The following POMZP3 variants were observed in gnomAD, a reference collection of about 807,000 sequenced individuals.
POMZP3 encodes POM121 and ZP3 fusion, also known as POM121 and ZP3 fusion protein.
A neutral mutation model predicts 19.8 loss-of-function variants in POMZP3; 10 were observed. The ratio of observed to expected loss-of-function variants is 0.51; its 90% confidence interval spans 0.31 to 0.86. POMZP3 has a LOEUF of 0.86. POMZP3 is among the 40% of genes least tolerant of loss of function. The pLI is 0.04. For synonymous variants in POMZP3, 57 were observed against 85.8 expected, an observed-to-expected ratio of 0.66 and a Z score of 1.85; for missense variants, 152 against 228.1, an observed-to-expected ratio of 0.67 and a Z score of 2.15.
chr7:76,627,221 C>T lies in POMZP3; in HGVS notation c.-665G>A. ...ACTCGCTATCGGCCGCCGCCGCTCG[C>T]CTGCTCCAGCCGCCGCAGCCGCCGG... On this transcript the variant is annotated 5_prime_UTR_variant, in exon 1 of 7. Coordinates refer to ENST00000310842, the MANE Select transcript of POMZP3 (RefSeq NM_012230.5). 1 of 1,415,988 alleles carries T rather than the reference C, an allele frequency of 7.1e-7. No individual in the cohort carries two copies. The highest frequency in any genetic ancestry group is 1.4e-5 in the South Asian group (1 of 70,614). 87.7% of individuals were successfully genotyped at this position (1,415,988 alleles called of 1,614,324 possible).
chr7:76,624,661 G>T (rs1267086736), intron 3 of POMZP3, among the ~76,000 whole-genome samples: 1 of 147,172 alleles, frequency 6.8e-6, no homozygotes, highest in Admixed American at 6.8e-5. Flanking sequence ...GGCCAGGCTG[G>T]TCTCGAACTC....
intron 3 of POMZP3, among the ~76,000 whole-genome samples, chr7:76,625,229 G>A (rs902694804): frequency 6.8e-6 from 1 of 147,750 alleles, no homozygotes; most frequent in African/African-American, 2.5e-5. Context: ...CTTCTTTCTT[G>A]AAAATAAACT....
At chr7:76,616,252 C>A in intron 4 of POMZP3, among the ~76,000 whole-genome samples, 1 of 121,420 alleles carries the variant, frequency 8.2e-6, no homozygotes, top group Non-Finnish European at 1.7e-5. Flanking sequence ...CATTGCATTC[C>A]AGCTTGGGTG....
intron 3 of POMZP3, among the ~76,000 whole-genome samples, chr7:76,620,823 T>C (rs1038868353): frequency 2.0e-5 from 3 of 148,336 alleles, no homozygotes; most frequent in Non-Finnish European, 3.0e-5. Context: ...AGATAATTAT[T>C]TGGGGAAGAC....
In POMZP3 at chr7:76,627,241, C is replaced by A; in HGVS notation, c.-685G>T. The A allele has an allele frequency of 1.4e-6, 2 of 1,385,020 alleles. No homozygotes were observed. The highest frequency in any genetic ancestry group is 1.9e-6 in the Non-Finnish European group (2 of 1,060,260). 85.8% of individuals were successfully genotyped at this position (1,385,020 alleles called of 1,614,324 possible). A position where few individuals can be genotyped will look rare whatever the true frequency, so the allele number is the denominator to read the frequency against. On this transcript the variant is annotated 5_prime_UTR_variant, in exon 1 of 7. Coordinates refer to ENST00000310842, the MANE Select transcript of POMZP3 (RefSeq NM_012230.5). Reference sequence around the variant, plus strand: ...GCTCGCCTGCTCCAGCCGCCGCAGCCGCCGGAGACATCGCGGCTCCGCGCC... The same window carrying A: ...GCTCGCCTGCTCCAGCCGCCGCAGCAGCCGGAGACATCGCGGCTCCGCGCC...
Position 76,625,531 on chromosome 7 carries a change from T to C in POMZP3, c.218A>G (p.Asn73Ser). ...CTCCTGAGCCTGTTACCTTCTTTTA[T>C]TTTCCTGGCCATCAAGGAATATTTG... ...EDQIFLDGQE[N>S]KRSCLVDGLT... is the part of the protein sequence containing the mutation. Residue 73 changes from asparagine (N) to serine (S), a missense_variant, in exon 3 of 7, where the codon AAT becomes AGT. Asn to Ser is a conservative substitution (Grantham distance 46). This residue lies in a region of POMZP3 where 17 missense variants were observed against 38.1 expected (regional missense o/e 0.45). Transcript: ENST00000310842. 3.1e-6 allele frequency: 5 copies of C among 1,613,438 alleles called. No homozygotes were observed. The highest frequency in any genetic ancestry group is 3.4e-6 in the Non-Finnish European group (4 of 1,179,608).
chr7:76,613,391 C>T (rs1056872456), intron 4 of POMZP3, among the ~76,000 whole-genome samples: 2 of 127,156 alleles, frequency 1.6e-5, no homozygotes, highest in Non-Finnish European at 3.5e-5. Context: ...AAACGTTTAC[C>T]CACCCTCGTT....
chr7:76,626,552 A>T (rs1326446667), intron 1 of POMZP3, 156 bp downstream of exon 1: 6 of 639,364 alleles, frequency 9.4e-6, no homozygotes, highest in Non-Finnish European at 1.3e-5. Context: ...CAAGAGTCAG[A>T]GGCCAGGAGA....
At position 76,618,946 on chromosome 7, in the gene POMZP3, T is replaced by C. The variant is rs2690681; in HGVS notation, c.228-646A>G. ...GGGACTACAAGCGTGCACCACCATG[T>C]CAGGCCGATTTTTGTATTTTTTGTC... is the stretch of plus-strand genomic sequence containing the variant. On this transcript the variant is annotated intron_variant, in intron 3 of 6. Transcript: ENST00000310842. Among the ~76,000 whole-genome samples, 16 of 152,190 alleles carry C rather than the reference T, an allele frequency of 1.1e-4. No individual in the cohort carries two copies. The East Asian group carries it at 2.5e-3, about 24-fold the overall frequency.
rs991716516 is a variant in POMZP3 at position 76,626,863 on chromosome 7, G to A, written c.-307C>T. The A allele has an allele frequency of 3.6e-6, 5 of 1,399,320 alleles. No individual in the cohort carries two copies. The highest frequency in any genetic ancestry group is 4.6e-6 in the Non-Finnish European group (5 of 1,086,148). 86.7% of individuals were successfully genotyped at this position (1,399,320 alleles called of 1,614,324 possible). A position where few individuals can be genotyped will look rare whatever the true frequency, so the allele number is the denominator to read the frequency against. Reference sequence around the variant, plus strand: ...ATTCCGCAGGTCCTGGCCCTCCGGAGCGGGGGCGGGCTGCGGCGGCCCGGG... The same window carrying A: ...ATTCCGCAGGTCCTGGCCCTCCGGAACGGGGGCGGGCTGCGGCGGCCCGGG... On this transcript the variant is annotated 5_prime_UTR_variant, in exon 1 of 7. Transcript: ENST00000310842.
chr7:76,619,035 G>A (rs1164345720), intron 3 of POMZP3, among the ~76,000 whole-genome samples: 1 of 150,260 alleles, frequency 6.7e-6, no homozygotes, highest in African/African-American at 2.5e-5. Flanking sequence ...CATTCCTCTT[G>A]TCTCAGCCTC....
chr7:76,620,861 A>ATTTTTT lies in POMZP3; in HGVS notation c.228-2567_228-2562dup, dbSNP rs56084078. On this transcript the variant is annotated intron_variant, in intron 3 of 6. Transcript: ENST00000310842. ...GTTTACTCCTCAGGGCTGTAAAGCC[A>ATTTTTT]TTTTTTTTTTTTTTTTTTTTTTTTT... Among the ~76,000 whole-genome samples the ATTTTTT allele has an allele frequency of 5.2e-3, 395 of 76,188 alleles. 26 individuals are homozygous for ATTTTTT. Among genetic ancestry groups the ATTTTTT allele is most frequent in the South Asian group, 0.023 (38 of 1,662 alleles). 50.0% of individuals were successfully genotyped at this position (76,188 alleles called of 152,430 possible).
At chr7:76,618,845 T>G (rs1302606275) in intron 3 of POMZP3, among the ~76,000 whole-genome samples, 14 of 151,642 alleles carry the variant, frequency 9.2e-5, no homozygotes, top group African/African-American at 3.4e-4. Flanking sequence ...TGGAGTACAG[T>G]GGCGTGATCA....
At position 76,627,036 on chromosome 7, in the gene POMZP3, G is replaced by A; in HGVS notation, c.-480C>T. The A allele has an allele frequency of 1.5e-6, 2 of 1,323,016 alleles. No homozygotes were observed. Among genetic ancestry groups the A allele is most frequent in the Non-Finnish European group, 2.0e-6 (2 of 1,009,288 alleles). 82.0% of individuals were successfully genotyped at this position (1,323,016 alleles called of 1,614,324 possible). ...GCCGATGTCGCGCCTTCTGAACGAAGGAGGACAAGGGGCGCGAACCTCGGG... is the reference window on the plus strand; with the variant it reads ...GCCGATGTCGCGCCTTCTGAACGAAAGAGGACAAGGGGCGCGAACCTCGGG... On this transcript the variant is annotated 5_prime_UTR_variant, in exon 1 of 7. Coordinates refer to ENST00000310842, the MANE Select transcript of POMZP3 (RefSeq NM_012230.5).
intron 3 of POMZP3, among the ~76,000 whole-genome samples, chr7:76,622,205 C>A (rs1023065761): frequency 4.0e-5 from 6 of 151,416 alleles, no homozygotes; most frequent in African/African-American, 7.3e-5. Flanking sequence ...AACCAGCCAC[C>A]CTCGGGGCTG....
At chr7:76,613,507 C>CCTTTTTT (rs1324313208) in intron 4 of POMZP3, among the ~76,000 whole-genome samples, 1 of 67,410 alleles carries the variant, frequency 1.5e-5, no homozygotes, top group African/African-American at 7.2e-5. Flanking sequence ...CCCCCCTACC[C>CCTTTTTT]TTTTTTTTTT....
In POMZP3 at chr7:76,621,723, G is replaced by A. The variant is rs372449922; in HGVS notation, c.228-3423C>T. Among the ~76,000 whole-genome samples the A allele has an allele frequency of 1.3e-4, 20 of 151,718 alleles. No homozygotes were observed. The South Asian group carries it at 1.7e-3, about 13-fold the overall frequency. On this transcript the variant is annotated intron_variant, in intron 3 of 6. Coordinates refer to ENST00000310842, the MANE Select transcript of POMZP3 (RefSeq NM_012230.5). ...TGGGAGGCTGAGGCGGGCGGATCAC[G>A]AGGTCAGGAGATCGAGACCATCCTG...
intron 3 of POMZP3, among the ~76,000 whole-genome samples, chr7:76,623,162 G>A (rs1321865397): frequency 2.0e-5 from 3 of 150,348 alleles, no homozygotes; most frequent in Admixed American, 6.7e-5. Flanking sequence ...GTGAGCCACC[G>A]CACCCAGCCC....
intron 4 of POMZP3, among the ~76,000 whole-genome samples, chr7:76,613,458 C>T (rs1008873619): frequency 7.8e-6 from 1 of 128,964 alleles, no homozygotes; most frequent in Admixed American, 8.1e-5. Context: ...TGAAGGACCC[C>T]CCCCACCCAG....
Sources: allele counts gnomAD v4.1 joint callset (sites outside exome capture counted in the v4.1 genomes callset), GRCh38; gene constraint gnomAD v4.1.1; regional missense constraint gnomAD v4.1.1; transcripts MANE v1.5; gene names NCBI Gene and HGNC (gene_info 2026-07-23, HGNC 2026-07-21).